The following MCC variants were observed in gnomAD, a reference collection of about 807,000 sequenced individuals.
The protein encoded by MCC is MCC regulator of Wnt signaling pathway.
Under a neutral mutation model 116.2 loss-of-function variants are expected in MCC, and 90 were observed. The ratio of observed to expected loss-of-function variants is 0.77; its 90% CI spans 0.65 to 0.92. MCC has a LOEUF of 0.92. Ranked by LOEUF, MCC falls within the 40% of genes least tolerant of loss-of-function variation. MCC has a pLI of 0.00. For synonymous variants in MCC, 578 were observed against 510.5 expected, an observed-to-expected ratio of 1.13 and a Z score of -1.78; for missense variants, 1,516 against 1,312.2, an observed-to-expected ratio of 1.16 and a Z score of -2.40.
At chr5:113,202,674 C>A (rs1173567861) in intron 3 of MCC, among the ~76,000 whole-genome samples, 1 of 151,774 alleles carries the variant, frequency 6.6e-6, no homozygotes, top group Non-Finnish European at 1.5e-5. Flanking sequence ...CCTCTGCTTG[C>A]AGAGATGAGA....
At chr5:113,420,761 C>T (rs1770309130) in intron 1 of MCC, among the ~76,000 whole-genome samples, 2 of 152,146 alleles carry the variant, frequency 1.3e-5, no homozygotes, top group Admixed American at 6.6e-5. Flanking sequence ...TTTTTTCATA[C>T]CAATGATAGT....
intron 17 of MCC, among the ~76,000 whole-genome samples, chr5:113,033,938 T>C (rs1259318023): frequency 6.6e-6 from 1 of 152,060 alleles, no homozygotes; most frequent in Non-Finnish European, 1.5e-5. Context: ...CAGGCTGGAG[T>C]ACAGTGGCAC....
At chr5:113,165,436 T>A (rs1379391152) in intron 3 of MCC, among the ~76,000 whole-genome samples, 2 of 152,130 alleles carry the variant, frequency 1.3e-5, no homozygotes, top group East Asian at 3.8e-4. Context: ...GACTTATTCC[T>A]TTTTTGTCCC....
chr5:113,417,444 T>C (rs1036555055), intron 1 of MCC, among the ~76,000 whole-genome samples: 2 of 152,326 alleles, frequency 1.3e-5, no homozygotes, highest in Middle Eastern at 3.4e-3. Context: ...GCTTTAACCA[T>C]TGTTGCCTAA....
intron 3 of MCC, among the ~76,000 whole-genome samples, chr5:113,164,515 G>GCTA (rs1760670894): frequency 1.3e-5 from 2 of 152,186 alleles, no homozygotes; most frequent in African/African-American, 4.8e-5. Flanking sequence ...GTAAATGGTA[G>GCTA]CCAGGACCAA....
chr5:113,085,061 C>A, intron 9 of MCC, 103 bp downstream of exon 9: 1 of 1,502,654 alleles, frequency 6.7e-7, no homozygotes, highest in Non-Finnish European at 9.2e-7. Context: ...GCCCCTTGTG[C>A]TGTCTCAGCT....
chr5:113,398,680 A>G (rs1358095157), intron 1 of MCC, among the ~76,000 whole-genome samples: 3 of 152,226 alleles, frequency 2.0e-5, no homozygotes, highest in Admixed American at 6.5e-5. Flanking sequence ...GAGCTACTAC[A>G]TGGGAGAGGG....
intron 3 of MCC, among the ~76,000 whole-genome samples, chr5:113,262,885 C>T (rs1323192287): frequency 6.6e-6 from 1 of 152,022 alleles, no homozygotes; most frequent in Non-Finnish European, 1.5e-5. Context: ...AGAACAGGTG[C>T]TCTAACCACA....
intron 14 of MCC, among the ~76,000 whole-genome samples, chr5:113,058,313 G>C (rs1051913165): frequency 6.6e-6 from 1 of 152,178 alleles, no homozygotes; most frequent in African/African-American, 2.4e-5. Context: ...TAGCAGGACT[G>C]GTCCACCCCA....
chr5:113,195,192 G>A (rs2416314), intron 3 of MCC, among the ~76,000 whole-genome samples: 1 of 152,150 alleles, frequency 6.6e-6, no homozygotes, highest in African/African-American at 2.4e-5. Flanking sequence ...CTCGTGAGGG[G>A]GTCGATCAAT....
At chr5:113,284,055 A>G (rs1217180774) in intron 3 of MCC, among the ~76,000 whole-genome samples, 1 of 152,252 alleles carries the variant, frequency 6.6e-6, no homozygotes, top group East Asian at 1.9e-4. Context: ...TAATACATGT[A>G]TCATATAAAA....
chr5:113,137,597 A>C (rs114284087), intron 5 of MCC, among the ~76,000 whole-genome samples: 1 of 152,052 alleles, frequency 6.6e-6, no homozygotes, highest in Non-Finnish European at 1.5e-5. Context: ...GTTTGCTAGT[A>C]TTTTGTTGAG....
At chr5:113,236,904 T>C (rs1026154369) in intron 3 of MCC, among the ~76,000 whole-genome samples, 11 of 152,204 alleles carry the variant, frequency 7.2e-5, no homozygotes, top group African/African-American at 2.7e-4. Context: ...CTTCCTCGAC[T>C]GAATTTATCA....
chr5:113,074,515 C>A lies in MCC; in HGVS notation c.1785-3281G>T, dbSNP rs572918563. On this transcript the variant is annotated intron_variant, in intron 11 of 18. Coordinates refer to ENST00000408903, the MANE Select transcript of MCC (RefSeq NM_001085377.2). ...AGACAGCTCCTCGCCAGCAATGGAACAAAGCTGGACAGAGAATGACTTTGA... is the reference window on the plus strand; with the variant it reads ...AGACAGCTCCTCGCCAGCAATGGAAAAAAGCTGGACAGAGAATGACTTTGA... 2.6e-4 allele frequency among the ~76,000 whole-genome samples: 40 copies of A among 152,278 alleles called. No individual in the cohort carries two copies. The East Asian group carries it at 7.4e-3, about 28-fold the overall frequency.
At chr5:113,407,432 C>T (rs1480297221) in intron 1 of MCC, among the ~76,000 whole-genome samples, 1 of 152,158 alleles carries the variant, frequency 6.6e-6, no homozygotes, top group Non-Finnish European at 1.5e-5. Flanking sequence ...TCAGTCTCTA[C>T]AACTGCATCT....
At position 113,392,222 on chromosome 5, in the gene MCC, A is replaced by C. The variant is rs573759650; in HGVS notation, c.171-7010T>G. Among the ~76,000 whole-genome samples, 257 of 152,306 alleles carry C rather than the reference A, an allele frequency of 1.7e-3. 1 individual carries two copies. Among genetic ancestry groups the C allele is most frequent in the Middle Eastern group, 0.01 (3 of 294 alleles). ...GCAACTGCACTCCAGCCTGGGCAAC[A>C]AAGTGAGACCCCGTCTTTAAAAATA... On this transcript the variant is annotated intron_variant, in intron 1 of 18. Coordinates refer to ENST00000408903, the MANE Select transcript of MCC (RefSeq NM_001085377.2).
chr5:113,363,532 C>T (rs1235761949), intron 2 of MCC, among the ~76,000 whole-genome samples: 1 of 152,090 alleles, frequency 6.6e-6, no homozygotes, highest in Non-Finnish European at 1.5e-5. Context: ...CTCATGAGAA[C>T]TCACTCACTA....
chr5:113,121,721 A>C (rs4705780), intron 6 of MCC, among the ~76,000 whole-genome samples: 76,526 of 152,076 alleles, frequency 0.5, 21,255 homozygotes, highest in East Asian at 0.72. Flanking sequence ...ACTTCCAAGA[A>C]AAACTCATTA....
chr5:113,283,153 G>A (rs543091443), intron 3 of MCC, among the ~76,000 whole-genome samples: 1 of 152,352 alleles, frequency 6.6e-6, no homozygotes, highest in African/African-American at 2.4e-5. Flanking sequence ...TTTCTGTGGA[G>A]AGGCTATTCA....
Sources: allele counts gnomAD v4.1 joint callset (sites outside exome capture counted in the v4.1 genomes callset), GRCh38; gene constraint gnomAD v4.1.1; transcripts MANE v1.5; gene names NCBI Gene and HGNC (gene_info 2026-07-23, HGNC 2026-07-21).